Variants in RBBP8 observed in about 807,000 individuals in gnomAD.
The protein encoded by RBBP8 is DNA endonuclease RBBP8.
Under a neutral mutation model 108.3 loss-of-function variants are expected in RBBP8, and 88 were observed. The observed-to-expected ratio is 0.81, with a 90% CI of 0.68 to 0.97. The LOEUF is 0.97. Among genes scored for constraint, RBBP8 ranks in the 50% least tolerant of loss-of-function variants. The pLI, the probability that RBBP8 is intolerant of heterozygous loss-of-function variation, is 0.00. For missense variants in RBBP8, 1,023 were observed against 1,049.0 expected, an observed-to-expected ratio of 0.98 and a Z score of 0.34; for synonymous variants, 332 against 348.2, an observed-to-expected ratio of 0.95 and a Z score of 0.52.
chr18:22,984,920 A>G lies in RBBP8; in HGVS notation c.639A>G (p.Pro213=). 6.2e-7 allele frequency: 1 copy of G among 1,610,296 alleles called. No homozygotes were observed. The highest frequency in any genetic ancestry group is 8.5e-7 in the Non-Finnish European group (1 of 1,177,340). Residue 213 remains proline (P), a synonymous_variant, in exon 8 of 19, where the codon CCA becomes CCG. Coordinates refer to ENST00000327155, the MANE Select transcript of RBBP8 (RefSeq NM_002894.3). The part of the protein sequence containing the change: ...MRKVSKSSTH[P]QHNPNENEIL... ...AAGTTTCCAAGTCTTCAACTCATCC[A>G]CAACATAATCCTAATGAAAATGAAA...
Position 22,990,141 on chromosome 18 carries a change from A to G in RBBP8, c.808-796A>G, listed in dbSNP as rs2144688935. 1.3e-5 allele frequency among the ~76,000 whole-genome samples: 2 copies of G among 152,304 alleles called. 1 individual carries two copies. Among genetic ancestry groups the G allele is most frequent in the South Asian group, 4.1e-4 (2 of 4,826 alleles). On this transcript the variant is annotated intron_variant, in intron 9 of 18. Coordinates refer to ENST00000327155, the MANE Select transcript of RBBP8 (RefSeq NM_002894.3). The stretch of plus-strand genomic sequence containing the variant: ...AATAGTTTCTAATTCCCCCCTACCC[A>G]TAAACCTGGCAAGTCACAGCTTAGA...
intron 4 of RBBP8, among the ~76,000 whole-genome samples, chr18:22,950,942 C>T (rs1008047402): frequency 3.9e-5 from 6 of 152,106 alleles, no homozygotes; most frequent in African/African-American, 1.2e-4. Flanking sequence ...GTATATGTTA[C>T]GGAAGGGCTG....
intron 2 of RBBP8, among the ~76,000 whole-genome samples, chr18:22,937,775 G>A (rs112864347): frequency 2.6e-5 from 4 of 151,140 alleles, no homozygotes; most frequent in Admixed American, 6.6e-5. Context: ...ACTGCGCCTG[G>A]CCCAAAGATC....
intron 4 of RBBP8, among the ~76,000 whole-genome samples, chr18:22,960,885 A>G (rs185926475): frequency 1.3e-5 from 2 of 152,362 alleles, no homozygotes; most frequent in African/African-American, 4.8e-5. Flanking sequence ...TATTACGGGT[A>G]TGTCTGTTCT....
At chr18:23,012,969 C>T (rs1405084233) in intron 16 of RBBP8, among the ~76,000 whole-genome samples, 1 of 151,948 alleles carries the variant, frequency 6.6e-6, no homozygotes, top group Admixed American at 6.6e-5. Context: ...GAATTATGCT[C>T]AATCTGCTGT....
At chr18:22,988,831 C>T (rs545314199) in intron 8 of RBBP8, among the ~76,000 whole-genome samples, 31 of 152,254 alleles carry the variant, frequency 2.0e-4, no homozygotes, top group African/African-American at 7.5e-4. Flanking sequence ...TGCTGACAAC[C>T]TCTCCTACAA....
At chr18:22,974,660 A>C (rs1422350152) in intron 5 of RBBP8, among the ~76,000 whole-genome samples, 3 of 152,116 alleles carry the variant, frequency 2.0e-5, no homozygotes, top group Non-Finnish European at 4.4e-5. Flanking sequence ...GGGTTTCACC[A>C]TGGTGGCCAG....
chr18:22,959,722 A>ATG (rs142382462), intron 4 of RBBP8, among the ~76,000 whole-genome samples: 5 of 151,004 alleles, frequency 3.3e-5, no homozygotes, highest in East Asian at 1.9e-4. Flanking sequence ...GTATATTTAT[A>ATG]TGTGTGTGTG....
chr18:23,025,536 C>A (rs1452620439), intron 18 of RBBP8, among the ~76,000 whole-genome samples: 5 of 152,136 alleles, frequency 3.3e-5, no homozygotes, highest in Non-Finnish European at 7.3e-5. Flanking sequence ...GTGATTGCAC[C>A]CCATGCGTAT....
rs751482231 is a variant in RBBP8, at chr18:22,993,634, A to G, written c.1807A>G (p.Ile603Val). ...GGAGACTGAGAATGTTTTAGATGAC[A>G]TAAAGGTTTGTGTTAAATGTTCAAG... ...SLETENVLDD[I>V]KSAGSHEPIK... is the part of the protein sequence containing the mutation. The change falls in exon 11 of 19, where the codon ATA becomes GTA. Residue 603 changes from isoleucine (I) to valine (V), a missense_variant. By Grantham distance (29) the Ile-to-Val change is conservative. Coordinates refer to ENST00000327155, the MANE Select transcript of RBBP8 (RefSeq NM_002894.3). The G allele has an allele frequency of 3.3e-5, 53 of 1,614,156 alleles. No homozygotes were observed. The Middle Eastern group carries it at 8.2e-4, about 25-fold the overall frequency.
chr18:23,001,836 T>C, intron 15 of RBBP8, 107 bp downstream of exon 15: 1 of 1,392,720 alleles, frequency 7.2e-7, no homozygotes, highest in Non-Finnish European at 9.9e-7. Flanking sequence ...AATTGAAGTT[T>C]CATATTTCTT....
At chr18:23,022,642 AAAATAC>A (rs1257320631) in intron 18 of RBBP8, among the ~76,000 whole-genome samples, 4 of 58,708 alleles carry the variant, frequency 6.8e-5, no homozygotes, top group Non-Finnish European at 1.2e-4. Context: ...TAAAATAAAT[AAAATAC>A]AATATAAAAT....
chr18:23,004,047 AC>A (rs1260488715), intron 15 of RBBP8, among the ~76,000 whole-genome samples: 2 of 124,122 alleles, frequency 1.6e-5, no homozygotes, highest in East Asian at 5.1e-4. Context: ...ACAGCGCAAG[AC>A]CCCGTCTCAA....
chr18:22,988,384 C>T (rs550189728), intron 8 of RBBP8, among the ~76,000 whole-genome samples: 27 of 152,334 alleles, frequency 1.8e-4, no homozygotes, highest in African/African-American at 6.5e-4. Context: ...TGTAGTTTGA[C>T]TTCTAGCAGT....
chr18:23,009,455 AT>A (rs1312738310), intron 16 of RBBP8, among the ~76,000 whole-genome samples: 1 of 150,142 alleles, frequency 6.7e-6, no homozygotes, highest in African/African-American at 2.4e-5. Flanking sequence ...TTTGCTTTTG[AT>A]TTTTTAGGAA....
intron 4 of RBBP8, chr18:22,949,952 C>T (rs1370149971): frequency 2.3e-6 from 1 of 431,184 alleles, no homozygotes. Context: ...GTAGTGGAAG[C>T]TCAAGGGTAG....
At chr18:22,964,860 C>G (rs146090979) in intron 4 of RBBP8, among the ~76,000 whole-genome samples, 104 of 152,110 alleles carry the variant, frequency 6.8e-4, no homozygotes, top group African/African-American at 2.5e-3. Flanking sequence ...CAATCCCATT[C>G]TCATTTTATA....
At chr18:22,968,775 T>C in intron 4 of RBBP8, 31 bp from the exon 5 acceptor site, 1 of 1,557,160 alleles carries the variant, frequency 6.4e-7, no homozygotes, top group Non-Finnish European at 8.8e-7. Context: ...TCTCTTTTAG[T>C]GGATGAAAAA....
chr18:22,979,820 T>A (rs927574430), intron 6 of RBBP8, among the ~76,000 whole-genome samples: 1 of 152,232 alleles, frequency 6.6e-6, no homozygotes, highest in Admixed American at 6.5e-5. Context: ...TGGGAATGTC[T>A]CCTATTCACT....
Sources: allele counts gnomAD v4.1 joint callset (sites outside exome capture counted in the v4.1 genomes callset), GRCh38; gene constraint gnomAD v4.1.1; transcripts MANE v1.5; gene names NCBI Gene and HGNC (gene_info 2026-07-23, HGNC 2026-07-21).